The following NR5A2 variants were observed in gnomAD, a reference collection of about 807,000 sequenced individuals.
The protein encoded by NR5A2 is nuclear receptor subfamily 5 group A member 2.
In NR5A2, 26 loss-of-function variants were observed where a neutral mutation model predicts 62.7. The ratio of observed to expected loss-of-function variants is 0.41; its 90% CI spans 0.30 to 0.58. NR5A2 has a LOEUF of 0.58. Ranked by LOEUF, NR5A2 falls within the 20% of genes least tolerant of loss-of-function variation. NR5A2 has a pLI of 0.22. For missense variants in NR5A2, 541 were observed against 669.1 expected, an observed-to-expected ratio of 0.81 and a Z score of 2.11; for synonymous variants, 246 against 241.7, an observed-to-expected ratio of 1.02 and a Z score of -0.16.
In NR5A2 at chr1:200,086,809, C is replaced by T. The variant is rs146616175; in HGVS notation, c.1111-24393C>T. 3.7e-3 allele frequency among the ~76,000 whole-genome samples: 566 copies of T among 152,156 alleles called. 4 individuals are homozygous for T. Among genetic ancestry groups the T allele is most frequent in the African/African-American group, 1.0e-2 (415 of 41,528 alleles). ...ATTCCAGCACTTTGGGCGGCCAAGGCGGCTAGATCAACTGAGGTACGGAGT... is the reference window on the plus strand; with the variant it reads ...ATTCCAGCACTTTGGGCGGCCAAGGTGGCTAGATCAACTGAGGTACGGAGT... On this transcript the variant is annotated intron_variant, in intron 5 of 7. Transcript: ENST00000367362.
At chr1:200,089,042 G>A (rs1320692168) in intron 5 of NR5A2, among the ~76,000 whole-genome samples, 1 of 151,880 alleles carries the variant, frequency 6.6e-6, no homozygotes, top group Non-Finnish European at 1.5e-5. Flanking sequence ...TCTCTTATTG[G>A]TTTCCTTACT....
intron 1 of NR5A2, among the ~76,000 whole-genome samples, chr1:200,034,566 C>T (rs560812915): frequency 7.2e-4 from 93 of 129,914 alleles, no homozygotes; most frequent in Non-Finnish European, 1.0e-3. Context: ...AAAAGCCCTC[C>T]TTTCCTCTGG....
chr1:200,123,305 G>T (rs768742517), intron 7 of NR5A2, among the ~76,000 whole-genome samples: 2 of 152,202 alleles, frequency 1.3e-5, no homozygotes, highest in African/African-American at 2.4e-5. Context: ...GAGAAGGTGG[G>T]ATGTGGTCCC....
intron 7 of NR5A2, among the ~76,000 whole-genome samples, chr1:200,168,959 C>T (rs1309469332): frequency 6.6e-6 from 1 of 152,182 alleles, no homozygotes; most frequent in Non-Finnish European, 1.5e-5. Flanking sequence ...AGATTGTCAT[C>T]TCTCTAAAGA....
At chr1:200,164,950 C>G (rs1266480620) in intron 7 of NR5A2, among the ~76,000 whole-genome samples, 1 of 142,488 alleles carries the variant, frequency 7.0e-6, no homozygotes, top group Non-Finnish European at 1.5e-5. Context: ...AATCTCAGCT[C>G]ACTGCAACCT....
intron 1 of NR5A2, among the ~76,000 whole-genome samples, chr1:200,036,782 G>A (rs1245411287): frequency 6.6e-6 from 1 of 152,134 alleles, no homozygotes; most frequent in Admixed American, 6.5e-5. Flanking sequence ...TGGTTCTTAG[G>A]AAAGGTCGTT....
Position 200,061,570 on chromosome 1 carries a change from G to A in NR5A2, c.1110+12752G>A, listed in dbSNP as rs570080586. ...TGGGATTACAGGCGTGAGCCACTGC[G>A]CCCGACCCGGGATTAACTTTACAAC... is the stretch of plus-strand genomic sequence containing the variant. On this transcript the variant is annotated intron_variant, in intron 5 of 7. Coordinates refer to ENST00000367362, the MANE Select transcript of NR5A2 (RefSeq NM_205860.3). 5.9e-5 allele frequency among the ~76,000 whole-genome samples: 9 copies of A among 152,230 alleles called. No individual in the cohort carries two copies. In the East Asian group the frequency reaches 9.7e-4, roughly 16 times the overall value.
chr1:200,110,112 C>T (rs1665872847), intron 5 of NR5A2, among the ~76,000 whole-genome samples: 1 of 152,142 alleles, frequency 6.6e-6, no homozygotes, highest in South Asian at 2.1e-4. Context: ...CCCCTGTTTT[C>T]TCATCTGAAA....
chr1:200,150,690 A>T (rs1007395828), intron 7 of NR5A2, among the ~76,000 whole-genome samples: 1 of 152,238 alleles, frequency 6.6e-6, no homozygotes, highest in African/African-American at 2.4e-5. Context: ...AAGATATCAC[A>T]CCAGTTTAGA....
At chr1:200,070,835 C>T (rs61819919) in intron 5 of NR5A2, among the ~76,000 whole-genome samples, 10,803 of 151,218 alleles carry the variant, frequency 0.071, 416 homozygotes, top group Middle Eastern at 0.11. Context: ...CAATGTGCCA[C>T]GCCTGTGTAT....
chr1:200,078,775 CAT>C (rs1369290051), intron 5 of NR5A2, among the ~76,000 whole-genome samples: 3 of 152,216 alleles, frequency 2.0e-5, no homozygotes, highest in Non-Finnish European at 2.9e-5. Flanking sequence ...ACATAATAAA[CAT>C]GTGAAATTCA....
intron 5 of NR5A2, among the ~76,000 whole-genome samples, chr1:200,107,303 CTTT>C (rs5780011): frequency 6.8e-6 from 1 of 146,140 alleles, no homozygotes; most frequent in Non-Finnish European, 1.5e-5. Flanking sequence ...TATTAAGTGG[CTTT>C]TTTTTTTTTT....
intron 7 of NR5A2, among the ~76,000 whole-genome samples, chr1:200,160,129 A>C (rs1305264198): frequency 3.3e-5 from 5 of 152,214 alleles, no homozygotes; most frequent in Non-Finnish European, 5.9e-5. Flanking sequence ...TTCTGCAGGG[A>C]GCAAAGCCTA....
At chr1:200,148,773 A>G (rs546398077) in intron 7 of NR5A2, among the ~76,000 whole-genome samples, 1 of 152,304 alleles carries the variant, frequency 6.6e-6, no homozygotes, top group South Asian at 2.1e-4. Flanking sequence ...CACAAATGAG[A>G]TTTAAAAATT....
rs77653794 is a variant in NR5A2, at chr1:200,033,614, T to A, written c.64+5703T>A. On this transcript the variant is annotated intron_variant, in intron 1 of 7. Coordinates refer to ENST00000367362, the MANE Select transcript of NR5A2 (RefSeq NM_205860.3). ...AAGAAAATTGGTCGGAATCCACTGC[T>A]GGGTCCTGGAATCAACTTCCCAGTT... Among the ~76,000 whole-genome samples the A allele has an allele frequency of 4.8e-3, 728 of 152,326 alleles. 7 individuals carry two copies. The highest frequency in any genetic ancestry group is 0.017 in the African/African-American group (704 of 41,562).
At chr1:200,129,566 GAA>G (rs1483896485) in intron 7 of NR5A2, among the ~76,000 whole-genome samples, 1 of 152,172 alleles carries the variant, frequency 6.6e-6, no homozygotes, top group African/African-American at 2.4e-5. Flanking sequence ...CTTATAAAAG[GAA>G]AAGACTTCAC....
At chr1:200,114,258 A>G (rs998132706) in intron 6 of NR5A2, among the ~76,000 whole-genome samples, 1 of 150,864 alleles carries the variant, frequency 6.6e-6, no homozygotes, top group Admixed American at 6.7e-5. Flanking sequence ...ACACACAAAT[A>G]TATCTACATA....
Position 200,048,161 on chromosome 1 carries a change from A to AC in NR5A2, c.464-6dup. On this transcript the variant is annotated splice_polypyrimidine_tract_variant and intron_variant, in intron 4 of 7. Coordinates refer to ENST00000367362, the MANE Select transcript of NR5A2 (RefSeq NM_205860.3). The surrounding 1 kb of genome is among the most constrained non-coding windows in gnomAD (Gnocchi z 4.8). ...ACCTTTCCTTCCTTCCCCCCACCCC[A>AC]CCCCCAACAGCTGTAAGGGCCGACC... is the stretch of plus-strand genomic sequence containing the variant. The AC allele has an allele frequency of 1.3e-6, 2 of 1,568,380 alleles. No individual in the cohort carries two copies. The highest frequency in any genetic ancestry group is 1.7e-6 in the Non-Finnish European group (2 of 1,155,048).
chr1:200,033,983 G>A (rs1661642723), intron 1 of NR5A2, among the ~76,000 whole-genome samples: 1 of 152,202 alleles, frequency 6.6e-6, no homozygotes, highest in Admixed American at 6.5e-5. Flanking sequence ...AAGAAGTTTG[G>A]TTGGATCCAT....
Sources: gnomAD v4.1 joint callset for allele counts (sites outside exome capture counted in the v4.1 genomes callset) on GRCh38, gnomAD v4.1.1 for gene constraint, Gnocchi (gnomAD v3.1) non-coding constraint, MANE v1.5 for transcripts, NCBI Gene and HGNC (gene_info 2026-07-23, HGNC 2026-07-21) for gene names.